The following NPDC1 variants were observed in gnomAD, a reference collection of about 807,000 sequenced individuals.
The protein encoded by NPDC1 is neural proliferation differentiation and control protein 1.
Under a neutral mutation model 32.5 loss-of-function variants are expected in NPDC1, and 18 were observed. The ratio of observed to expected loss-of-function variants is 0.55; its 90% CI spans 0.38 to 0.82. NPDC1 has a LOEUF of 0.82. Among genes scored for constraint, NPDC1 ranks in the 40% least tolerant of loss-of-function variants. The probability of loss-of-function intolerance (pLI) is 0.00; values close to 1 mark genes in which losing one functional copy is unlikely to be tolerated. For synonymous variants in NPDC1, 210 were observed against 184.7 expected (o/e 1.14, Z -1.11); for missense variants, 468 against 406.6 (o/e 1.15, Z -1.30).
intron 1 of NPDC1, among the ~76,000 whole-genome samples, chr9:137,045,664 C>G (rs1277462720): frequency 1.3e-5 from 2 of 152,232 alleles, no homozygotes; most frequent in Admixed American, 6.5e-5. Context: ...GAAGCCCCAT[C>G]CGGCGCGGCC....
In NPDC1 at chr9:137,039,658, G is replaced by A; in HGVS notation, c.*114C>T. The stretch of plus-strand genomic sequence containing the variant: ...GGGGTCCCAGGGCCTGGAGCCCGAG[G>A]CCCAGCCAAAAGCACACAGCATCAA... On this transcript the variant is annotated 3_prime_UTR_variant, in exon 9 of 9. Transcript: ENST00000371601. 1 of 601,536 alleles carries A rather than the reference G, an allele frequency of 1.7e-6. No homozygotes were observed. Among genetic ancestry groups the A allele is most frequent in the East Asian group, 2.8e-5 (1 of 35,984 alleles). 37.3% of individuals were successfully genotyped at this position (601,536 alleles called of 1,614,324 possible).
chr9:137,041,982 G>A (rs952146510), intron 2 of NPDC1, among the ~76,000 whole-genome samples: 1 of 152,250 alleles, frequency 6.6e-6, no homozygotes, highest in African/African-American at 2.4e-5. Context: ...CGGGGAAGTG[G>A]GGGCCTGGAG....
intron 1 of NPDC1, among the ~76,000 whole-genome samples, chr9:137,045,016 C>G (rs1832109838): frequency 1.3e-5 from 2 of 152,254 alleles, no homozygotes; most frequent in African/African-American, 4.8e-5. Context: ...GTAAAACGGG[C>G]TCACAGCACC....
In NPDC1 at chr9:137,040,381, C is replaced by T. The variant is rs1184213034; in HGVS notation, c.764G>A (p.Arg255Gln). The T allele has an allele frequency of 1.9e-6, 3 of 1,546,416 alleles. No individual in the cohort carries two copies. Among genetic ancestry groups the T allele is most frequent in the Admixed American group, 2.0e-5 (1 of 50,956 alleles). ...CCGCTCCAGGCACAGCATCTGTTGCCGTTGGTGCTGGTAGTGGTACATCTC... is the reference window on the plus strand; with the variant it reads ...CCGCTCCAGGCACAGCATCTGTTGCTGTTGGTGCTGGTAGTGGTACATCTC... ...SAEMYHYQHQ[R>Q]QQMLCLERHK... The change falls in exon 7 of 9, where the codon CGG (arginine) becomes CAG (glutamine). Residue 255 changes from arginine to glutamine, a missense_variant. Physicochemically the swap from Arg to Gln is conservative, Grantham distance 43. Transcript: ENST00000371601.
chr9:137,043,291 C>T lies in NPDC1; in HGVS notation c.113-218G>A, dbSNP rs777755148. 15 of 721,394 alleles carry T rather than the reference C, an allele frequency of 2.1e-5. No homozygotes were observed. In the South Asian group the frequency reaches 2.2e-4, roughly 11 times the overall value. The allele number at this position is 721,394 out of a possible 1,614,324, so 44.7% of individuals were successfully genotyped here. A position where few individuals can be genotyped will look rare whatever the true frequency, so the allele number is the denominator to read the frequency against. On this transcript the variant is annotated intron_variant, in intron 1 of 8. Transcript: ENST00000371601. ...TTATCAGAACTACCCTGCCCCACCC[C>T]TCCCCAGGGTCCACTTCCAGGCCTG...
At position 137,040,829 on chromosome 9, in the gene NPDC1, C is replaced by T. The variant is rs199560387; in HGVS notation, c.541G>A (p.Asp181Asn). ...SPLEPRGGQG[D>N]GLALVLILAF... is the part of the protein sequence containing the mutation. ...CAAGACCTACCAAGGGCGAGGCCGTCGCCTTGCCCTCCCCGGGGCTCCAGG... is the reference window on the plus strand; with the variant it reads ...CAAGACCTACCAAGGGCGAGGCCGTTGCCTTGCCCTCCCCGGGGCTCCAGG... The change falls in exon 4 of 9, where the codon GAC (aspartate) becomes AAC (asparagine). Residue 181 changes from aspartate to asparagine, a missense_variant. Asp to Asn is a conservative substitution (Grantham distance 23). Coordinates refer to ENST00000371601, the MANE Select transcript of NPDC1 (RefSeq NM_015392.4). 1.4e-3 allele frequency: 2,216 copies of T among 1,594,946 alleles called. 3 individuals carry two copies. Among genetic ancestry groups the T allele is most frequent in the Non-Finnish European group, 1.4e-3 (1,698 of 1,174,812 alleles).
intron 2 of NPDC1, among the ~76,000 whole-genome samples, chr9:137,041,920 C>T (rs1247246976): frequency 6.6e-6 from 1 of 152,242 alleles, no homozygotes; most frequent in Non-Finnish European, 1.5e-5. Context: ...TCAACATTTG[C>T]CAACAGGCGG....
chr9:137,039,694 T>C lies in NPDC1; in HGVS notation c.*78A>G, dbSNP rs1832014653. On this transcript the variant is annotated 3_prime_UTR_variant, in exon 9 of 9. Transcript: ENST00000371601. ...AGCACACAGCATCAAAACATGTTTT[T>C]AGTGGGAAGCTCCAGGCCCTGCCCC... is the stretch of plus-strand genomic sequence containing the variant. The C allele has an allele frequency of 1.5e-6, 1 of 645,658 alleles. No homozygotes were observed. Among genetic ancestry groups the C allele is most frequent in the Non-Finnish European group, 2.8e-6 (1 of 357,668 alleles). The allele number at this position is 645,658 out of a possible 1,614,324, so 40.0% of individuals were successfully genotyped here.
At chr9:137,045,731 A>T in intron 1 of NPDC1, 147 bp downstream of exon 1, 2 of 359,348 alleles carry the variant, frequency 5.6e-6, no homozygotes, top group Non-Finnish European at 7.8e-6. Context: ...ATCGTGGGCG[A>T]GGCGGGGCCC....
Position 137,046,133 on chromosome 9 carries a change from A to G in NPDC1, c.-144T>C. 9.2e-7 allele frequency: 1 copy of G among 1,091,052 alleles called. No individual in the cohort carries two copies. 67.6% of individuals were successfully genotyped at this position (1,091,052 alleles called of 1,614,324 possible). ...CGGATGCCAAGGAGGAGGAGGAGGA[A>G]GAGGAAAGGCACGGGCGGCGGCGCT... On this transcript the variant is annotated 5_prime_UTR_variant, in exon 1 of 9. Coordinates refer to ENST00000371601, the MANE Select transcript of NPDC1 (RefSeq NM_015392.4).
Position 137,040,778 on chromosome 9 carries a change from C to T in NPDC1, c.556+36G>A, listed in dbSNP as rs571464908. 267 of 1,583,108 alleles carry T rather than the reference C, an allele frequency of 1.7e-4. 3 individuals carry two copies. The South Asian group carries it at 2.8e-3, about 17-fold the overall frequency. Reference sequence around the variant, plus strand: ...TGTGAGGGCGGCCTTCTGCAGGGCGCCCTGCTGCCCCTGCCCACCCCCGAC... The same window carrying T: ...TGTGAGGGCGGCCTTCTGCAGGGCGTCCTGCTGCCCCTGCCCACCCCCGAC... On this transcript the variant is annotated intron_variant, in intron 4 of 8. Coordinates refer to ENST00000371601, the MANE Select transcript of NPDC1 (RefSeq NM_015392.4).
intron 7 of NPDC1, 117 bp downstream of exon 7, chr9:137,040,240 G>A (rs1011112907): frequency 4.2e-5 from 41 of 966,228 alleles, no homozygotes; most frequent in Middle Eastern, 6.3e-4. Context: ...GAAGGTTAGC[G>A]TGCAGGTGAG....
intron 1 of NPDC1, chr9:137,043,597 T>G: frequency 1.8e-6 from 1 of 561,286 alleles, no homozygotes; most frequent in Non-Finnish European, 3.2e-6. Flanking sequence ...CTCCAGCCTC[T>G]GGCTTGTCCC....
chr9:137,043,092 G>T lies in NPDC1; in HGVS notation c.113-19C>A. ...GCTACATCTGGGAAGGAAGCAGAAGGCAGGGCCGGCTCACGGCCCCGCAGG... is the reference window on the plus strand; with the variant it reads ...GCTACATCTGGGAAGGAAGCAGAAGTCAGGGCCGGCTCACGGCCCCGCAGG... On this transcript the variant is annotated intron_variant, in intron 1 of 8. Coordinates refer to ENST00000371601, the MANE Select transcript of NPDC1 (RefSeq NM_015392.4). The T allele has an allele frequency of 6.2e-7, 1 of 1,611,580 alleles. No individual in the cohort carries two copies. The highest frequency in any genetic ancestry group is 8.5e-7 in the Non-Finnish European group (1 of 1,179,384).
At chr9:137,040,147 A>C in intron 7 of NPDC1, 80 bp from the exon 8 acceptor site, 1 of 719,814 alleles carries the variant, frequency 1.4e-6, no homozygotes, top group East Asian at 2.6e-5. Context: ...CACTCAGCCC[A>C]CCTCAGCCCT....
chr9:137,040,081 G>C lies in NPDC1; in HGVS notation c.789-14C>G. ...GGCTCTTTATGCCTGGGTGGGGGGG[G>C]ATCGCTGGGTCCTCCCCATGCCCTC... On this transcript the variant is annotated splice_polypyrimidine_tract_variant and intron_variant, in intron 7 of 8. Transcript: ENST00000371601. The C allele has an allele frequency of 1.3e-6, 1 of 775,324 alleles. No individual in the cohort carries two copies. The highest frequency in any genetic ancestry group is 2.4e-6 in the Non-Finnish European group (1 of 417,336). 48.0% of individuals were successfully genotyped at this position (775,324 alleles called of 1,614,324 possible).
chr9:137,040,359 C>T lies in NPDC1; in HGVS notation c.786G>A (p.Glu262=). The T allele has an allele frequency of 1.9e-6, 3 of 1,543,034 alleles. No homozygotes were observed. The highest frequency in any genetic ancestry group is 2.6e-6 in the Non-Finnish European group (3 of 1,146,612). Residue 262 remains glutamate (E), a splice_region_variant and synonymous_variant, in exon 7 of 9, where the codon GAG becomes GAA. Coordinates refer to ENST00000371601, the MANE Select transcript of NPDC1 (RefSeq NM_015392.4). ...GCAGTGCCGGGGCGGCCACTCACCG[C>T]TCCAGGCACAGCATCTGTTGCCGTT... The part of the protein sequence containing the change: ...QHQRQQMLCL[E]RHKEPPKELD...
chr9:137,039,814 G>A lies in NPDC1; in HGVS notation c.936C>T (p.Ser312=), dbSNP rs150962465. ...GTGAGCTGGGGGCCGGCAGGGGCGC[G>A]GACAGTGCGGCGTGGTCGAACAGAG... ...RNPLFDHAAL[S]APLPAPSSPP... Residue 312 remains serine, a synonymous_variant, in exon 9 of 9, where the codon TCC becomes TCT. Transcript: ENST00000371601. The A allele has an allele frequency of 2.4e-3, 1,862 of 778,646 alleles. 31 individuals carry two copies. In the East Asian group the frequency reaches 0.032, roughly 13 times the overall value. The allele number at this position is 778,646 out of a possible 1,614,324, so 48.2% of individuals were successfully genotyped here.
In NPDC1 at chr9:137,039,812, G is replaced by C. The variant is rs764444990; in HGVS notation, c.938C>G (p.Ala313Gly). ...NPLFDHAALS[A>G]PLPAPSSPPA... ...CGGTGAGCTGGGGGCCGGCAGGGGC[G>C]CGGACAGTGCGGCGTGGTCGAACAG... Residue 313 changes from alanine (A) to glycine (G), a missense_variant, in exon 9 of 9, where the codon GCG becomes GGG. Ala to Gly is a moderately conservative substitution (Grantham distance 60, BLOSUM62 0). Transcript: ENST00000371601. 2 of 778,676 alleles carry C rather than the reference G, an allele frequency of 2.6e-6. No homozygotes were observed. The highest frequency in any genetic ancestry group is 4.8e-5 in the East Asian group (2 of 41,240). 48.2% of individuals were successfully genotyped at this position (778,676 alleles called of 1,614,324 possible).
Sources: gnomAD v4.1 joint callset for allele counts (sites outside exome capture counted in the v4.1 genomes callset) on GRCh38, gnomAD v4.1.1 for gene constraint, MANE v1.5 for transcripts, NCBI Gene and HGNC (gene_info 2026-07-23, HGNC 2026-07-21) for gene names.